TTN: variants seen among roughly 807,000 people sequenced by gnomAD.
TTN encodes the protein connectin.
In TTN, 1,525 loss-of-function variants were observed where a neutral mutation model predicts 3,223.0. The observed-to-expected ratio is 0.47, with a 90% confidence interval of 0.45 to 0.49. The LOEUF (loss-of-function observed/expected upper bound fraction) is 0.49, where lower values mean the gene tolerates loss of function less well. Ranked by LOEUF, TTN falls within the 20% of genes least tolerant of loss-of-function variation. TTN has a pLI of 0.00. For missense variants in TTN, 40,786 were observed against 43,424.0 expected (o/e 0.94, Z 5.40); for synonymous variants, 14,094 against 15,161.0 (o/e 0.93, Z 5.17).
chr2:178,712,466 T>C lies in TTN; in HGVS notation c.27456A>G (p.Val9152=). 1 of 1,613,768 alleles carries C rather than the reference T, an allele frequency of 6.2e-7. No homozygotes were observed. Among genetic ancestry groups the C allele is most frequent in the Non-Finnish European group, 8.5e-7 (1 of 1,179,792 alleles). Residue 9152 remains valine (V), a synonymous_variant, in exon 95 of 363, where the codon GTA becomes GTG. Transcript: ENST00000589042. ...TTATATTACACCTCTGAGAAGGAGT[T>C]ACATTTATGCCATTTTTCTTCCAGG... ...SVTWKKNGIN[V]TPSQRCNITT...
chr2:178,558,680 G>A (rs1486636310), intron 326 of TTN, 43 bp from the exon 327 acceptor site: 2 of 1,576,312 alleles, frequency 1.3e-6, no homozygotes, highest in African/African-American at 1.4e-5. Flanking sequence ...AATTATTACA[G>A]CACTTTTAAA....
At chr2:178,550,738 C>A (rs1034314459) in intron 336 of TTN, 11 of 531,370 alleles carry the variant, frequency 2.1e-5, no homozygotes, top group African/African-American at 1.6e-4. Flanking sequence ...AAACTCATTC[C>A]CACTTGCTGC....
intron 98 of TTN, among the ~76,000 whole-genome samples, 182 bp downstream of exon 98, chr2:178,710,453 A>G (rs1024860317): frequency 6.6e-6 from 1 of 152,204 alleles, no homozygotes; most frequent in Non-Finnish European, 1.5e-5. Context: ...TCTCGAGGAA[A>G]GAAAGAAATA....
chr2:178,753,061 A>G (rs1272040202), intron 47 of TTN, 63 bp downstream of exon 47: 1 of 1,376,060 alleles, frequency 7.3e-7, no homozygotes, highest in African/African-American at 1.4e-5. Flanking sequence ...AAAGAAGGCA[A>G]CTCAAGGATC....
Position 178,605,008 on chromosome 2 carries a change from T to G in TTN, c.54169A>C (p.Asn18057His). Residue 18057 changes from asparagine to histidine, a missense_variant, in exon 280 of 363, where the codon AAT becomes CAT. Coordinates refer to ENST00000589042, the MANE Select transcript of TTN (RefSeq NM_001267550.2). ...ASNRLGSVFR[N>H]VHVEVYDRPS... is the part of the protein sequence containing the mutation. ...TTACCATATACTTCAACGTGAACAT[T>G]TCGGAACACTGAGCCAAGGCGATTG... is the stretch of plus-strand genomic sequence containing the variant. The G allele has an allele frequency of 6.2e-7, 1 of 1,600,334 alleles. No homozygotes were observed. Among genetic ancestry groups the G allele is most frequent in the Non-Finnish European group, 8.5e-7 (1 of 1,171,972 alleles).
At chr2:178,624,321 A>G in intron 242 of TTN, 144 bp downstream of exon 242, 2 of 942,448 alleles carry the variant, frequency 2.1e-6, no homozygotes, top group Non-Finnish European at 1.6e-6. Context: ...CACATAAAGG[A>G]TCAGGTTAGG....
At position 178,557,117 on chromosome 2, in the gene TTN, T is replaced by G. The variant is rs374741129; in HGVS notation, c.88037A>C (p.Asp29346Ala). The G allele has an allele frequency of 2.5e-6, 4 of 1,613,696 alleles. No individual in the cohort carries two copies. Among genetic ancestry groups the G allele is most frequent in the South Asian group, 1.1e-5 (1 of 91,052 alleles). The change falls in exon 330 of 363, where the codon GAT (aspartate) becomes GCT (alanine). Residue 29346 changes from aspartate (D) to alanine (A), a missense_variant. Asp to Ala is a moderately radical substitution (Grantham distance 126). Coordinates refer to ENST00000589042, the MANE Select transcript of TTN (RefSeq NM_001267550.2). ...CEPPRNVRIT[D>A]ISKNSVSLSW... ...AAGGCTGACAGAGTTCTTTGAAATATCAGTGATACGAACATTTCTTGGGGG... is the reference window on the plus strand; with the variant it reads ...AAGGCTGACAGAGTTCTTTGAAATAGCAGTGATACGAACATTTCTTGGGGG...
At chr2:178,787,704 T>A (rs1224319963) in intron 13 of TTN, among the ~76,000 whole-genome samples, 1 of 152,130 alleles carries the variant, frequency 6.6e-6, no homozygotes, top group African/African-American at 2.4e-5. Flanking sequence ...TTCTTGATTT[T>A]AAACATATGG....
Position 178,537,896 on chromosome 2 carries a change from C to A in TTN, c.99311G>T (p.Arg33104Leu), listed in dbSNP as rs758617553. 6.2e-7 allele frequency: 1 copy of A among 1,610,676 alleles called. No individual in the cohort carries two copies. Among genetic ancestry groups the A allele is most frequent in the Non-Finnish European group, 8.5e-7 (1 of 1,178,018 alleles). Residue 33104 changes from arginine (R) to leucine (L), a missense_variant, in exon 355 of 363, where the codon CGC becomes CTC. Transcript: ENST00000589042. ...TGTGGTAACATCCTTCATTTCTTTG[C>A]GTATTCCTGGGGCCTCTCCAGCTGA... The part of the protein sequence containing the change: ...KLTSGEAPGI[R>L]KEMKDVTTKL...
Position 178,538,696 on chromosome 2 carries a change from A to C in TTN, c.99133T>G (p.Trp33045Gly), listed in dbSNP as rs770903683. ...ATACGTTCCTTATTGCTCTTCTTCCAGGCACTGTCTCCAGACTGTCTATAT... is the reference window on the plus strand; with the variant it reads ...ATACGTTCCTTATTGCTCTTCTTCCCGGCACTGTCTCCAGACTGTCTATAT... ...VEYRQSGDSA[W>G]KKSNKERIKD... Residue 33045 changes from tryptophan to glycine, a missense_variant, in exon 354 of 363, where the codon TGG becomes GGG. Transcript: ENST00000589042. 6.2e-7 allele frequency: 1 copy of C among 1,613,760 alleles called. No homozygotes were observed. Among genetic ancestry groups the C allele is most frequent in the South Asian group, 1.1e-5 (1 of 91,078 alleles).
rs1450802850 is a variant in TTN at position 178,616,490 on chromosome 2, T to A, written c.48301A>T (p.Thr16101Ser). The change falls in exon 257 of 363, where the codon ACA (threonine) becomes TCA (serine). Residue 16101 changes from threonine to serine, a missense_variant. Thr to Ser is a moderately conservative substitution (Grantham distance 58). Transcript: ENST00000589042. ...VVEKREVSRK[T>S]WTKVMDFVTD... ...TGCTCAAAACTCACTTTAGTCCATG[T>A]TTTCCGGCTGACTTCTCGTTTTTCA... 1 of 1,612,210 alleles carries A rather than the reference T, an allele frequency of 6.2e-7. No individual in the cohort carries two copies. Among genetic ancestry groups the A allele is most frequent in the South Asian group, 1.1e-5 (1 of 90,998 alleles).
rs201412693 is a variant in TTN, at chr2:178,603,977, A to C, written c.54710T>G (p.Leu18237Arg). The change falls in exon 282 of 363, where the codon CTT becomes CGT. Residue 18237 changes from leucine to arginine, a missense_variant. By Grantham distance (102) the Leu-to-Arg change is moderately radical. Transcript: ENST00000589042. ...TCTGAACTGGTATTTAACGCCTTCAAGCAAACGAGGAACATTAAATTCCAC... is the reference window on the plus strand; with the variant it reads ...TCTGAACTGGTATTTAACGCCTTCACGCAAACGAGGAACATTAAATTCCAC... Reference protein sequence around the residue: ...KGVEFNVPRLLEGVKYQFRAM... With the variant: ...KGVEFNVPRLREGVKYQFRAM... 17 of 1,612,792 alleles carry C rather than the reference A, an allele frequency of 1.1e-5. No individual in the cohort carries two copies. Among genetic ancestry groups the C allele is most frequent in the Non-Finnish European group, 1.4e-5 (17 of 1,179,128 alleles).
Position 178,568,132 on chromosome 2 carries a change from T to C in TTN, c.78000A>G (p.Thr26000=), listed in dbSNP as rs1178033234. Residue 26000 remains threonine (T), a synonymous_variant, in exon 326 of 363, where the codon ACA becomes ACG. Transcript: ENST00000589042. ...EPGPPGTPFA[T]AISKDSMVIQ... ...TGACCATGGAGTCTTTGGAAATGGC[T>C]GTGGCAAATGGTGTACCTGGAGGGC... 3.7e-6 allele frequency: 6 copies of C among 1,613,398 alleles called. No individual in the cohort carries two copies. Among genetic ancestry groups the C allele is most frequent in the Non-Finnish European group, 4.2e-6 (5 of 1,179,616 alleles).
rs1366237375 is a variant in TTN, at chr2:178,618,555, A to C, written c.46966+29T>G. On this transcript the variant is annotated intron_variant, in intron 251 of 362. Coordinates refer to ENST00000589042, the MANE Select transcript of TTN (RefSeq NM_001267550.2). The stretch of plus-strand genomic sequence containing the variant: ...TCTTGCTTTTAAATTGTGCTTTGCC[A>C]ATTAAGTCTGAGAGACCCAAGGGCT... 4 of 1,607,578 alleles carry C rather than the reference A, an allele frequency of 2.5e-6. No homozygotes were observed. In the African/African-American group the frequency reaches 5.4e-5, roughly 22 times the overall value.
In TTN at chr2:178,777,922, C is replaced by T. The variant is rs147254212; in HGVS notation, c.4262G>A (p.Arg1421Gln). The T allele has an allele frequency of 1.0e-4, 161 of 1,613,826 alleles. 1 individual carries two copies. Among genetic ancestry groups the T allele is most frequent in the Admixed American group, 8.0e-4 (48 of 59,972 alleles). The part of the protein sequence containing the change: ...SRSPIRMSPA[R>Q]MSPARMSPAR... ...AGGAGACATCCTTGCAGGTGACATC[C>T]GTGCAGGAGACATGCGTATAGGAGA... The change falls in exon 25 of 363, where the codon CGG becomes CAG. Residue 1421 changes from arginine to glutamine, a missense_variant. Arg to Gln is a conservative substitution (Grantham distance 43, BLOSUM62 1). Transcript: ENST00000589042.
rs1461708313 is a variant in TTN at position 178,553,362 on chromosome 2, T to C, written c.89538A>G (p.Arg29846=). The C allele has an allele frequency of 6.3e-7, 1 of 1,599,304 alleles. No homozygotes were observed. The highest frequency in any genetic ancestry group is 1.7e-5 in the Admixed American group (1 of 59,878). The part of the protein sequence containing the change: ...APEIDLDVAL[R]TSVIAKAGED... The stretch of plus-strand genomic sequence containing the variant: ...CACCAGCTTTGGCAATAACAGAAGT[T>C]CTGAGAGCCACATCCAGGTCAATCT... The change falls in exon 335 of 363, where the codon AGA becomes AGG. Residue 29846 remains arginine, a synonymous_variant. Coordinates refer to ENST00000589042, the MANE Select transcript of TTN (RefSeq NM_001267550.2).
chr2:178,740,739 C>A lies in TTN; in HGVS notation c.12494G>T (p.Gly4165Val). ...CTCAGGCTCTTCAGGCATTAGAATA[C>A]CTTCTTTGGAGAAGGTTTTCTGGGA... ...VQSQKTFSKE[G>V]ILMPEEPETQ... Residue 4165 changes from glycine to valine, a missense_variant, in exon 48 of 363, where the codon GGT becomes GTT. By Grantham distance (109) the Gly-to-Val change is moderately radical. Coordinates refer to ENST00000589042, the MANE Select transcript of TTN (RefSeq NM_001267550.2). 6.2e-7 allele frequency: 1 copy of A among 1,613,768 alleles called. No individual in the cohort carries two copies.
chr2:178,766,295 C>T, intron 41 of TTN, 86 bp downstream of exon 41: 1 of 1,115,004 alleles, frequency 9.0e-7, no homozygotes, highest in East Asian at 2.4e-5. Context: ...TAGAAATTTC[C>T]TTCAAGTTAC....
rs762536801 is a variant in TTN at position 178,636,275 on chromosome 2, A to T, written c.41330-34T>A. 1.3e-6 allele frequency: 2 copies of T among 1,482,604 alleles called. No homozygotes were observed. Among genetic ancestry groups the T allele is most frequent in the Non-Finnish European group, 1.8e-6 (2 of 1,117,084 alleles). 91.8% of individuals were successfully genotyped at this position (1,482,604 alleles called of 1,614,324 possible). A position where few individuals can be genotyped will look rare whatever the true frequency, so the allele number is the denominator to read the frequency against. ...AATTTCAGTATATATTTCAATAAAT[A>T]CAATATTTTCAATGAAATAAAACTT... is the stretch of plus-strand genomic sequence containing the variant. On this transcript the variant is annotated intron_variant, in intron 225 of 362. Coordinates refer to ENST00000589042, the MANE Select transcript of TTN (RefSeq NM_001267550.2). The surrounding 1 kb of genome is among the most constrained non-coding windows in gnomAD (Gnocchi z 4.3).
Sources: allele counts gnomAD v4.1 joint callset (sites outside exome capture counted in the v4.1 genomes callset), GRCh38; gene constraint gnomAD v4.1.1; non-coding constraint Gnocchi (gnomAD v3.1); transcripts MANE v1.5; gene names NCBI Gene and HGNC (gene_info 2026-07-23, HGNC 2026-07-21).